The following CDHR3 variants were observed in gnomAD, a reference collection of about 807,000 sequenced individuals.
The protein encoded by CDHR3 is cadherin related family member 3.
CDHR3 carries 79 observed loss-of-function variants against 86.6 expected under a neutral mutation model. That is an observed-to-expected ratio of 0.91 (90% CI 0.76 to 1.10). The LOEUF is 1.10. Ranked by LOEUF, CDHR3 falls within the 50% of genes least tolerant of loss-of-function variation. CDHR3 has a pLI of 0.00. For missense variants in CDHR3, 1,081 were observed against 1,077.6 expected, an observed-to-expected ratio of 1.00 and a Z score of -0.04; for synonymous variants, 421 against 402.4, an observed-to-expected ratio of 1.05 and a Z score of -0.55.
rs1225213226 is a variant in CDHR3, at chr7:106,015,128, C to T, written c.1242C>T (p.Asp414=). Residue 414 remains aspartate (D), a synonymous_variant, in exon 10 of 19, where the codon GAC becomes GAT. Transcript: ENST00000317716. ...SGKIVLIGDL[D]YENPSNLAAG... Reference sequence around the variant, plus strand: ...TAATCTAGCTGATTGGTGATCTAGACTACGAAAATCCAAGTAACCTAGCAG... The same window carrying T: ...TAATCTAGCTGATTGGTGATCTAGATTACGAAAATCCAAGTAACCTAGCAG... 6.2e-7 allele frequency: 1 copy of T among 1,607,552 alleles called. No individual in the cohort carries two copies. The highest frequency in any genetic ancestry group is 1.3e-5 in the African/African-American group (1 of 74,784).
In CDHR3 at chr7:106,001,692, C is replaced by T. The variant is rs1785315233; in HGVS notation, c.862+82C>T. On this transcript the variant is annotated intron_variant, in intron 7 of 18. Coordinates refer to ENST00000317716, the MANE Select transcript of CDHR3 (RefSeq NM_152750.5). ...CTTACAATGTAGTTGTCCCTCGTTA[C>T]CCATGAGAATTGGTTCTAGGATGCA... is the stretch of plus-strand genomic sequence containing the variant. The T allele has an allele frequency of 1.9e-6, 3 of 1,556,418 alleles. No individual in the cohort carries two copies. The Admixed American group carries it at 5.1e-5, about 26-fold the overall frequency.
intron 17 of CDHR3, among the ~76,000 whole-genome samples, chr7:106,029,049 G>A (rs775629250): frequency 2.0e-5 from 3 of 148,348 alleles, no homozygotes; most frequent in African/African-American, 5.0e-5. Flanking sequence ...GCACAATCTC[G>A]GCTCACTGCA....
chr7:105,968,749 G>A (rs1827379913), intron 1 of CDHR3, among the ~76,000 whole-genome samples: 1 of 152,160 alleles, frequency 6.6e-6, no homozygotes. Context: ...GCTGAAGTTC[G>A]TGAACCACAC....
chr7:106,012,936 G>A lies in CDHR3; in HGVS notation c.1129G>A (p.Glu377Lys). 2 of 1,613,798 alleles carry A rather than the reference G, an allele frequency of 1.2e-6. No homozygotes were observed. The highest frequency in any genetic ancestry group is 2.2e-5 in the South Asian group (2 of 91,036). ...CAAGTTCTGCTTTGATGATGACAGTGAGGCACCAAACAACAGATTCAACTT... is the reference window on the plus strand; with the variant it reads ...CAAGTTCTGCTTTGATGATGACAGTAAGGCACCAAACAACAGATTCAACTT... The part of the protein sequence containing the change: ...LNKFCFDDDS[E>K]APNNRFNFTM... The change falls in exon 9 of 19, where the codon GAG becomes AAG. Residue 377 changes from glutamate (E) to lysine (K), a missense_variant. Coordinates refer to ENST00000317716, the MANE Select transcript of CDHR3 (RefSeq NM_152750.5).
chr7:106,000,786 A>G (rs1663355475), intron 6 of CDHR3, among the ~76,000 whole-genome samples: 1 of 150,844 alleles, frequency 6.6e-6, no homozygotes, highest in Admixed American at 6.6e-5. Context: ...AAGGACAGTG[A>G]TGGGGCCTGG....
At chr7:106,015,905 G>C in intron 10 of CDHR3, 22 bp from the exon 11 acceptor site, 1 of 1,468,416 alleles carries the variant, frequency 6.8e-7, no homozygotes, top group Non-Finnish European at 9.5e-7. Context: ...GTGATTAAAT[G>C]TGTTTCTATT....
At chr7:105,980,328 C>G (rs1251522562) in intron 2 of CDHR3, among the ~76,000 whole-genome samples, 1 of 152,124 alleles carries the variant, frequency 6.6e-6, no homozygotes, top group Non-Finnish European at 1.5e-5. Flanking sequence ...CTGCAGCAAC[C>G]TTACGCGTAA....
intron 4 of CDHR3, among the ~76,000 whole-genome samples, chr7:105,989,220 C>CCCCA (rs1554516518): frequency 1.6e-4 from 23 of 143,932 alleles, no homozygotes; most frequent in South Asian, 4.5e-4. Context: ...GTACCCACCC[C>CCCCA]CCCACCTCTT....
rs1211015269 is a variant in CDHR3, at chr7:106,032,800, G to A, written c.*103G>A. The A allele has an allele frequency of 1.1e-5, 14 of 1,245,756 alleles. No individual in the cohort carries two copies. Among genetic ancestry groups the A allele is most frequent in the African/African-American group, 1.5e-5 (1 of 65,974 alleles). The allele number at this position is 1,245,756 out of a possible 1,614,324, so 77.2% of individuals were successfully genotyped here. On this transcript the variant is annotated 3_prime_UTR_variant, in exon 19 of 19. Transcript: ENST00000317716. ...TGTAGGGGGGAAAATGTGGGCTGAG[G>A]GGATTCAGACATCCAGGGTCAAACA... is the stretch of plus-strand genomic sequence containing the variant.
Position 106,028,598 on chromosome 7 carries a change from G to A in CDHR3, c.2304+16G>A. The A allele has an allele frequency of 6.2e-7, 1 of 1,613,858 alleles. No individual in the cohort carries two copies. Among genetic ancestry groups the A allele is most frequent in the Non-Finnish European group, 8.5e-7 (1 of 1,179,826 alleles). On this transcript the variant is annotated intron_variant, in intron 17 of 18. Coordinates refer to ENST00000317716, the MANE Select transcript of CDHR3 (RefSeq NM_152750.5). ...CGTCGTGGTGGTGAGTATGGGCAGT[G>A]TGGGGCACCAGGCATAGACGCTGGG...
chr7:106,015,331 C>T (rs1018417375), intron 10 of CDHR3, 118 bp downstream of exon 10: 39 of 779,120 alleles, frequency 5.0e-5, no homozygotes, highest in South Asian at 3.1e-4. Context: ...TGCCCTCATG[C>T]GGGGACCCCC....
rs1479600749 is a variant in CDHR3 at position 106,030,796 on chromosome 7, C to T, written c.2309C>T (p.Thr770Ile). ...KTAERDVVVETIQMNTIFDGE... is the reference protein window; with the variant it reads ...KTAERDVVVEIIQMNTIFDGE... The stretch of plus-strand genomic sequence containing the variant: ...CTGTCTCTGTCTTCTCCTTAGGAAA[C>T]TATCCAGATGAACACTATCTTTGAT... Residue 770 changes from threonine to isoleucine, a missense_variant, in exon 18 of 19, where the codon ACT becomes ATT. Physicochemically the swap from Thr to Ile is moderately conservative, Grantham distance 89 (BLOSUM62 -1). Transcript: ENST00000317716. This position sits in a 1 kb window ranked among gnomAD's most constrained non-coding sequence, Gnocchi z 4.8. The T allele has an allele frequency of 6.2e-7, 1 of 1,611,092 alleles. No individual in the cohort carries two copies. Among genetic ancestry groups the T allele is most frequent in the Non-Finnish European group, 8.5e-7 (1 of 1,178,632 alleles).
chr7:105,989,212 A>ACCC (rs200212689), intron 4 of CDHR3, among the ~76,000 whole-genome samples: 5 of 83,728 alleles, frequency 6.0e-5, no homozygotes, highest in Non-Finnish European at 1.2e-4. Context: ...TTCTTTGGGT[A>ACCC]CCCACCCCCC....
chr7:106,011,921 A>G (rs1834868202), intron 8 of CDHR3, among the ~76,000 whole-genome samples: 1 of 152,214 alleles, frequency 6.6e-6, no homozygotes, highest in South Asian at 2.1e-4. Context: ...AATAATATAA[A>G]GGTGTTAGGA....
At chr7:106,028,996 T>TTTCTTTCTTTC (rs1563312309) in intron 17 of CDHR3, among the ~76,000 whole-genome samples, 2 of 90,098 alleles carry the variant, frequency 2.2e-5, no homozygotes, top group East Asian at 3.1e-4. Context: ...TTCTTTCTTT[T>TTTCTTTCTTTC]TAAGACACAG....
chr7:106,010,210 G>A (rs1244210762), intron 8 of CDHR3, among the ~76,000 whole-genome samples: 1 of 152,192 alleles, frequency 6.6e-6, no homozygotes, highest in Admixed American at 6.5e-5. Flanking sequence ...ATGCATGGAA[G>A]TTAAAGTTTA....
intron 1 of CDHR3, among the ~76,000 whole-genome samples, chr7:105,970,740 G>C (rs1177576781): frequency 1.3e-5 from 2 of 151,978 alleles, no homozygotes; most frequent in African/African-American, 2.4e-5. Flanking sequence ...CTATTTTTAG[G>C]GTATGGACCC....
At position 106,016,165 on chromosome 7, in the gene CDHR3, C is replaced by T. The variant is rs1314541336; in HGVS notation, c.1426+140C>T. 1.0e-5 allele frequency: 6 copies of T among 598,978 alleles called. No individual in the cohort carries two copies. The Admixed American group carries it at 1.8e-4, about 18-fold the overall frequency. 37.1% of individuals were successfully genotyped at this position (598,978 alleles called of 1,614,324 possible). On this transcript the variant is annotated intron_variant, in intron 11 of 18. Coordinates refer to ENST00000317716, the MANE Select transcript of CDHR3 (RefSeq NM_152750.5). ...ATTCACAGCTGATTAGTATTTATTG[C>T]ACCTCTTATTTCTTTTAAATTTTCC...
At chr7:106,011,334 C>T (rs577154343) in intron 8 of CDHR3, among the ~76,000 whole-genome samples, 213 of 152,246 alleles carry the variant, frequency 1.4e-3, no homozygotes, top group African/African-American at 4.4e-3. Context: ...CATGGCACAA[C>T]GGAGGCTTGA....
Sources: gnomAD v4.1 joint callset for allele counts (sites outside exome capture counted in the v4.1 genomes callset) on GRCh38, gnomAD v4.1.1 for gene constraint, Gnocchi (gnomAD v3.1) non-coding constraint, MANE v1.5 for transcripts, NCBI Gene and HGNC (gene_info 2026-07-23, HGNC 2026-07-21) for gene names.